Variants in ZNHIT3 observed in about 807,000 individuals in gnomAD.
ZNHIT3 encodes zinc finger HIT domain-containing protein 3.
A neutral mutation model predicts 19.9 loss-of-function variants in ZNHIT3; 27 were observed. That is an observed-to-expected ratio of 1.36 (90% CI 1.00 to 1.87). The LOEUF (loss-of-function observed/expected upper bound fraction) is 1.87, where lower values mean the gene tolerates loss of function less well. ZNHIT3 is among the 40% of genes most tolerant of loss of function. The probability of loss-of-function intolerance (pLI) is 0.00; values close to 1 mark genes in which losing one functional copy is unlikely to be tolerated. For synonymous variants in ZNHIT3, 81 were observed against 65.7 expected (o/e 1.23, Z -1.13); for missense variants, 215 against 185.6 (o/e 1.16, Z -0.92).
chr17:36,494,541 TTC>T (rs965479538), intron 4 of ZNHIT3, among the ~76,000 whole-genome samples: 3 of 152,230 alleles, frequency 2.0e-5, no homozygotes, highest in Non-Finnish European at 2.9e-5. Context: ...CCTTACAACA[TTC>T]TGTTACATGT....
chr17:36,493,568 C>T lies in ZNHIT3; in HGVS notation c.206-358C>T, dbSNP rs368948288. Reference sequence around the variant, plus strand: ...ACTTGGCTGGTTTTTACAGAGCATCCAGTTAATTGGCCCATCACAGGGTTG... The same window carrying T: ...ACTTGGCTGGTTTTTACAGAGCATCTAGTTAATTGGCCCATCACAGGGTTG... On this transcript the variant is annotated intron_variant, in intron 3 of 4. Coordinates refer to ENST00000617429, the MANE Select transcript of ZNHIT3 (RefSeq NM_004773.4). Among the ~76,000 whole-genome samples the T allele has an allele frequency of 5.1e-3, 779 of 152,256 alleles. 3 individuals carry two copies. Among genetic ancestry groups the T allele is most frequent in the Non-Finnish European group, 7.5e-3 (511 of 68,024 alleles).
downstream of ZNHIT3, chr17:36,498,179 C>T (rs2071176467): frequency 6.9e-7 from 1 of 1,459,382 alleles, no homozygotes; most frequent in Admixed American, 1.8e-5. Flanking sequence ...TTGTCCCAGC[C>T]TCAGTCTCAT....
chr17:36,490,007 A>G (rs2070691764), intron 2 of ZNHIT3: 1 of 138,256 alleles, frequency 7.2e-6, no homozygotes, highest in African/African-American at 2.7e-5. Flanking sequence ...TCAAGTGAAT[A>G]TTTTGCAAAT....
At chr17:36,496,993 A>G (rs1271364945), downstream of ZNHIT3, among the ~76,000 whole-genome samples, 2 of 152,108 alleles carry the variant, frequency 1.3e-5, no homozygotes, top group African/African-American at 4.8e-5. Flanking sequence ...GCCCTGAGTG[A>G]CAATGACTTC....
chr17:36,499,059 C>T (rs1327320151), downstream of ZNHIT3: 1 of 1,594,800 alleles, frequency 6.3e-7, no homozygotes, highest in African/African-American at 1.3e-5. Flanking sequence ...ACCCCGACTT[C>T]TTGGGTCTTA....
chr17:36,490,478 T>C (rs1438390499), intron 2 of ZNHIT3: 2 of 152,246 alleles, frequency 1.3e-5, no homozygotes, highest in South Asian at 2.1e-4. Context: ...GCTGTTTAGA[T>C]ATTATAGCTT....
intron 2 of ZNHIT3, chr17:36,491,385 G>C (rs2070723103): frequency 1.3e-5 from 2 of 151,952 alleles, no homozygotes; most frequent in South Asian, 4.1e-4. Context: ...AGGATGGAGT[G>C]CAGTGGTGTG....
chr17:36,494,609 A>G (rs926208739), intron 4 of ZNHIT3, among the ~76,000 whole-genome samples: 2 of 152,332 alleles, frequency 1.3e-5, no homozygotes. Flanking sequence ...TTAAAAGGTT[A>G]TGTTTTGCAC....
chr17:36,487,153 C>G (rs2070584725), intron 2 of ZNHIT3, among the ~76,000 whole-genome samples, 187 bp downstream of exon 2: 1 of 152,200 alleles, frequency 6.6e-6, no homozygotes, highest in African/African-American at 2.4e-5. Context: ...ACAGTTCCCT[C>G]TGTTGTCCCT....
At chr17:36,492,246 T>A (rs781542121) in intron 2 of ZNHIT3, 26 of 154,024 alleles carry the variant, frequency 1.7e-4, no homozygotes, top group Non-Finnish European at 3.2e-4. Context: ...ACACTGGGCT[T>A]AAGGGATCCT....
chr17:36,488,851 A>G (rs2070655572), intron 2 of ZNHIT3, among the ~76,000 whole-genome samples: 1 of 152,200 alleles, frequency 6.6e-6, no homozygotes, highest in Non-Finnish European at 1.5e-5. Context: ...TCTTGTAGCT[A>G]TTTGAAAGTA....
At position 36,495,555 on chromosome 17, in the gene ZNHIT3, G is replaced by A; in HGVS notation, c.*151G>A. On this transcript the variant is annotated 3_prime_UTR_variant, in exon 5 of 5. Coordinates refer to ENST00000617429, the MANE Select transcript of ZNHIT3 (RefSeq NM_004773.4). ...GGTCATGCAGGCCTTTACCGGCATTGATGTGGCTCATGTTTCAGGCAGACT... is the reference window on the plus strand; with the variant it reads ...GGTCATGCAGGCCTTTACCGGCATTAATGTGGCTCATGTTTCAGGCAGACT... 7.5e-7 allele frequency: 1 copy of A among 1,324,770 alleles called. No homozygotes were observed. The highest frequency in any genetic ancestry group is 9.6e-7 in the Non-Finnish European group (1 of 1,040,706). 82.1% of individuals were successfully genotyped at this position (1,324,770 alleles called of 1,614,324 possible).
At chr17:36,499,106 G>A (rs2071267400), downstream of ZNHIT3, 3 of 1,610,638 alleles carry the variant, frequency 1.9e-6, no homozygotes, top group Admixed American at 1.7e-5. Context: ...CTTGATGACT[G>A]TGGCAGCTGC....
downstream of ZNHIT3, chr17:36,498,115 A>C: frequency 1.4e-6 from 1 of 735,982 alleles, no homozygotes; most frequent in Non-Finnish European, 2.1e-6. Context: ...CCAAACCTGC[A>C]GCTGATTGGG....
At chr17:36,489,292 C>T (rs749055321) in intron 2 of ZNHIT3, 7 of 152,112 alleles carry the variant, frequency 4.6e-5, no homozygotes, top group Non-Finnish European at 1.0e-4. Context: ...ATTTCATTTC[C>T]TTTGGATATA....
chr17:36,499,203 C>A (rs766746203), downstream of ZNHIT3: 3 of 1,476,344 alleles, frequency 2.0e-6, no homozygotes, highest in East Asian at 4.8e-5. Flanking sequence ...AATAAAGGGG[C>A]CATTAGAGCT....
intron 2 of ZNHIT3, 137 bp from the exon 3 acceptor site, chr17:36,492,676 C>T (rs1052905483): frequency 1.4e-5 from 10 of 730,046 alleles, no homozygotes; most frequent in Middle Eastern, 3.0e-4. Flanking sequence ...TCTCTCACTT[C>T]TTCCACATTC....
At chr17:36,498,879 C>T, downstream of ZNHIT3, 1 of 596,882 alleles carries the variant, frequency 1.7e-6, no homozygotes, top group Admixed American at 2.9e-5. Context: ...TTATACCACT[C>T]TTCACCTACA....
At chr17:36,496,128 C>T (rs148665479), downstream of ZNHIT3, 48 of 1,337,568 alleles carry the variant, frequency 3.6e-5, 1 homozygote, top group South Asian at 3.5e-4. Context: ...AGGCTGGAGC[C>T]GTCACTGTTG....
Sources: gnomAD v4.1 joint callset for allele counts (sites outside exome capture counted in the v4.1 genomes callset) on GRCh38, gnomAD v4.1.1 for gene constraint, MANE v1.5 for transcripts, NCBI Gene and HGNC (gene_info 2026-07-23, HGNC 2026-07-21) for gene names.